Variants in LFNG observed in about 807,000 individuals in gnomAD.
The protein encoded by LFNG is LFNG O-fucosylpeptide 3-beta-N-acetylglucosaminyltransferase.
A neutral mutation model predicts 32.7 loss-of-function variants in LFNG; 15 were observed. That is an observed-to-expected ratio of 0.46 (90% CI 0.31 to 0.71). The LOEUF (loss-of-function observed/expected upper bound fraction) is 0.71. LFNG is among the 30% of genes least tolerant of loss of function. The pLI, the probability that LFNG is intolerant of heterozygous loss-of-function variation, is 0.06. For missense variants in LFNG, 520 were observed against 545.7 expected (o/e 0.95, Z 0.47); for synonymous variants, 274 against 246.8 (o/e 1.11, Z -1.03).
At chr7:2,514,854 T>TCATCTGTCCATCCATCCATC (rs1779580692), upstream of LFNG, among the ~76,000 whole-genome samples, 13 of 72,552 alleles carry the variant, frequency 1.8e-4, no homozygotes, top group Non-Finnish European at 3.4e-4. Context: ...ATCCATCCAT[T>TCATCTGTCCATCCATCCATC]CATCTGTCTA....
intron 1 of LFNG, among the ~76,000 whole-genome samples, chr7:2,522,195 G>A (rs1023458705): frequency 1.3e-5 from 2 of 152,224 alleles, no homozygotes; most frequent in African/African-American, 4.8e-5. Context: ...CCCACATGCT[G>A]GGGGAAGGGA....
Position 2,526,798 on chromosome 7 carries a change from CG to C in LFNG, c.988-35del. ...AGCCTGGGGCGGGGCCCAGGGATGT[CG>C]GGCCCCTCCCGGCATCACTCCGCCC... On this transcript the variant is annotated intron_variant, in intron 6 of 7. Transcript: ENST00000222725. The surrounding 1 kb of genome is among the most constrained non-coding windows in gnomAD (Gnocchi z 6.9). The C allele has an allele frequency of 6.3e-7, 1 of 1,589,312 alleles. No individual in the cohort carries two copies. Among genetic ancestry groups the C allele is most frequent in the South Asian group, 1.1e-5 (1 of 90,246 alleles).
upstream of LFNG, among the ~76,000 whole-genome samples, chr7:2,519,643 C>T (rs951676309): frequency 3.7e-4 from 55 of 149,842 alleles, no homozygotes; most frequent in African/African-American, 1.3e-3. Flanking sequence ...CCAGCCGCGG[C>T]CCCACGTGGG....
chr7:2,522,968 A>G (rs1354342382), intron 1 of LFNG, among the ~76,000 whole-genome samples: 1 of 151,988 alleles, frequency 6.6e-6, no homozygotes, highest in Non-Finnish European at 1.5e-5. Flanking sequence ...AGGTGTCGGG[A>G]GACAGTTCGA....
chr7:2,526,482 A>G lies in LFNG; in HGVS notation c.987+73A>G, dbSNP rs1427266182. On this transcript the variant is annotated intron_variant, in intron 6 of 7. Transcript: ENST00000222725. This position sits in a 1 kb window ranked among gnomAD's most constrained non-coding sequence, Gnocchi z 6.9. ...GACGTGTGGCTGCCGAGAGGGGCGC[A>G]GTGGGGTGGGGCACTGTTCTAAACA... 52 of 1,531,146 alleles carry G rather than the reference A, an allele frequency of 3.4e-5. No individual in the cohort carries two copies. Among genetic ancestry groups the G allele is most frequent in the African/African-American group, 5.4e-5 (4 of 73,398 alleles). 94.8% of individuals were successfully genotyped at this position (1,531,146 alleles called of 1,614,324 possible).
intron 1 of LFNG, chr7:2,512,840 C>T: frequency 1.2e-6 from 1 of 807,976 alleles, no homozygotes; most frequent in Non-Finnish European, 2.1e-6. Context: ...TATCTCCAGC[C>T]TCACCTCCAT....
upstream of LFNG, chr7:2,517,867 G>T (rs750268609): frequency 5.6e-5 from 67 of 1,194,222 alleles, no homozygotes; most frequent in Non-Finnish European, 6.2e-5. Flanking sequence ...AGCTATGGAG[G>T]GTTTTGCTCT....
At chr7:2,521,508 G>C (rs916580662) in intron 1 of LFNG, among the ~76,000 whole-genome samples, 2 of 152,214 alleles carry the variant, frequency 1.3e-5, no homozygotes, top group Non-Finnish European at 2.9e-5. Context: ...CGCTGCTGGC[G>C]TGCTGGCCAC....
chr7:2,521,037 G>A (rs538779036), intron 1 of LFNG, among the ~76,000 whole-genome samples: 3 of 152,160 alleles, frequency 2.0e-5, no homozygotes, highest in Non-Finnish European at 4.4e-5. Context: ...GTCGGGGACT[G>A]GGGGGGTGTC....
In LFNG at chr7:2,525,270, C is replaced by T; in HGVS notation, c.533C>T (p.Ser178Phe). Residue 178 changes from serine (S) to phenylalanine (F), a missense_variant, in exon 3 of 8, where the codon TCC becomes TTC. Coordinates refer to ENST00000222725, the MANE Select transcript of LFNG (RefSeq NM_001040167.2). ...CSAAHSRQAL[S>F]CKMAVEYDRF... ...GCCGCCCACAGCCGCCAGGCGCTGT[C>T]CTGCAAGATGGCCGTGGAGTATGAC... The T allele has an allele frequency of 1.2e-6, 2 of 1,613,038 alleles. No individual in the cohort carries two copies. The highest frequency in any genetic ancestry group is 1.7e-6 in the Non-Finnish European group (2 of 1,179,908).
upstream of LFNG, chr7:2,517,621 C>A (rs1779659409): frequency 2.2e-6 from 1 of 449,006 alleles, no homozygotes; most frequent in Non-Finnish European, 4.5e-6. Flanking sequence ...GGCCTGGGAA[C>A]TGTGGGGAGA....
intron 1 of LFNG, chr7:2,512,769 G>T (rs1779524920): frequency 6.9e-7 from 1 of 1,455,740 alleles, no homozygotes; most frequent in Admixed American, 1.7e-5. Context: ...CGTGAACCTG[G>T]AGCCCCCTAT....
In LFNG at chr7:2,526,245, G is replaced by A. The variant is rs771781393; in HGVS notation, c.823G>A (p.Gly275Arg). 37 of 1,612,704 alleles carry A rather than the reference G, an allele frequency of 2.3e-5. No individual in the cohort carries two copies. Among genetic ancestry groups the A allele is most frequent in the Middle Eastern group, 3.3e-4 (2 of 6,084 alleles). Residue 275 changes from glycine to arginine, a missense_variant and splice_region_variant, in exon 6 of 8, where the codon GGG becomes AGG. Physicochemically the swap from Gly to Arg is moderately radical, Grantham distance 125. Around this residue, in one of 3 missense-constraint regions of LFNG, gnomAD observed 150 missense variants for 159.9 expected, o/e 0.94. Transcript: ENST00000222725. This position sits in a 1 kb window ranked among gnomAD's most constrained non-coding sequence, Gnocchi z 6.9. ...GGTCTGGGCCCTTCCCTCCCGCAGC[G>A]GGGGTCACTTCATGAATACGGCTGA... The part of the protein sequence containing the change: ...LALKMSPWAS[G>R]GHFMNTAERI...
chr7:2,516,583 G>A (rs1193851415), upstream of LFNG, among the ~76,000 whole-genome samples: 2 of 152,248 alleles, frequency 1.3e-5, no homozygotes, highest in South Asian at 2.1e-4. Context: ...ACAGAACACT[G>A]TCTCAGCCTG....
chr7:2,517,230 A>G (rs1422333567), upstream of LFNG, among the ~76,000 whole-genome samples: 1 of 152,090 alleles, frequency 6.6e-6, no homozygotes, highest in East Asian at 1.9e-4. Flanking sequence ...TCAGACCTCA[A>G]GAAGTCACCA....
rs1419876508 is a variant in LFNG at position 2,527,500 on chromosome 7, C to G, written c.*288C>G. 7.3e-7 allele frequency: 1 copy of G among 1,366,582 alleles called. No homozygotes were observed. Among genetic ancestry groups the G allele is most frequent in the African/African-American group, 1.5e-5 (1 of 68,352 alleles). 84.7% of individuals were successfully genotyped at this position (1,366,582 alleles called of 1,614,324 possible). A position where few individuals can be genotyped will look rare whatever the true frequency, so the allele number is the denominator to read the frequency against. ...AGGATTTGTGTGTCGGAGGCCACTC[C>G]GAGGGCAATTCTGTTAGGATTTTTG... On this transcript the variant is annotated 3_prime_UTR_variant, in exon 8 of 8. Transcript: ENST00000222725. This position sits in a 1 kb window ranked among gnomAD's most constrained non-coding sequence, Gnocchi z 4.4.
chr7:2,522,786 C>T (rs555241763), intron 1 of LFNG, among the ~76,000 whole-genome samples: 1 of 152,326 alleles, frequency 6.6e-6, no homozygotes, highest in African/African-American at 2.4e-5. Flanking sequence ...GGTAATGGCA[C>T]CCACCTCCGA....
chr7:2,521,274 A>T (rs1470707016), intron 1 of LFNG, among the ~76,000 whole-genome samples: 1 of 140,678 alleles, frequency 7.1e-6, no homozygotes, highest in African/African-American at 2.7e-5. Context: ...GGCCCTGGGA[A>T]CCCCATGGCA....
Position 2,520,311 on chromosome 7 carries a change from TGGACTGGCGGGCGAGCGGGGCGG to T in LFNG, c.432+23_432+45del. Reference sequence around the variant, plus strand: ...AGGAGATGGTGAGCCCCCCGCGGCCTGGACTGGCGGGCGAGCGGGGCGGGGACCCACCATCTGGTCCAGCTGGT... The same window carrying T: ...AGGAGATGGTGAGCCCCCCGCGGCCTGGACCCACCATCTGGTCCAGCTGGT... On this transcript the variant is annotated intron_variant, in intron 1 of 7. Coordinates refer to ENST00000222725, the MANE Select transcript of LFNG (RefSeq NM_001040167.2). The surrounding 1 kb of genome is among the most constrained non-coding windows in gnomAD (Gnocchi z 5.0). The T allele has an allele frequency of 6.2e-7, 1 of 1,602,504 alleles. No homozygotes were observed. Among genetic ancestry groups the T allele is most frequent in the Non-Finnish European group, 8.5e-7 (1 of 1,174,060 alleles).
Sources: gnomAD v4.1 joint callset for allele counts (sites outside exome capture counted in the v4.1 genomes callset) on GRCh38, gnomAD v4.1.1 for gene constraint, gnomAD v4.1.1 regional missense constraint, Gnocchi (gnomAD v3.1) non-coding constraint, MANE v1.5 for transcripts, NCBI Gene and HGNC (gene_info 2026-07-23, HGNC 2026-07-21) for gene names.